The following DERA variants were observed in gnomAD, a reference collection of about 807,000 sequenced individuals.
The protein encoded by DERA is 2-deoxy-D-ribose 5-phosphate aldolase.
DERA carries 15 observed loss-of-function variants against 41.1 expected under a neutral mutation model. The ratio of observed to expected loss-of-function variants is 0.37; its 90% confidence interval spans 0.24 to 0.56. DERA has a LOEUF of 0.56. DERA is among the 20% of genes least tolerant of loss of function. The pLI is 0.81. For missense variants in DERA, 396 were observed against 403.4 expected, an observed-to-expected ratio of 0.98 and a Z score of 0.16; for synonymous variants, 139 against 137.4, an observed-to-expected ratio of 1.01 and a Z score of -0.08.
intron 6 of DERA, among the ~76,000 whole-genome samples, chr12:16,016,104 G>C (rs1592051668): frequency 6.6e-6 from 1 of 152,184 alleles, no homozygotes; most frequent in South Asian, 2.1e-4. Context: ...ATGACTTTGT[G>C]GAATCATAGT....
At position 15,982,486 on chromosome 12, in the gene DERA, G is replaced by T. The variant is rs766626037; in HGVS notation, c.637+50G>T. On this transcript the variant is annotated intron_variant, in intron 6 of 8. Coordinates refer to ENST00000428559, the MANE Select transcript of DERA (RefSeq NM_015954.4). The surrounding 1 kb of genome is among the most constrained non-coding windows in gnomAD (Gnocchi z 4.0). ...GTTTTCTATTGAATTGATGTTTTTA[G>T]GAGAAATTAAGTAAGTGAAAGCATT... 5 of 1,521,048 alleles carry T rather than the reference G, an allele frequency of 3.3e-6. No homozygotes were observed. Among genetic ancestry groups the T allele is most frequent in the South Asian group, 1.3e-5 (1 of 74,640 alleles). The allele number at this position is 1,521,048 out of a possible 1,614,324, so 94.2% of individuals were successfully genotyped here. A position where few individuals can be genotyped will look rare whatever the true frequency, so the allele number is the denominator to read the frequency against.
At chr12:15,960,418 A>G (rs1277960331) in intron 4 of DERA, among the ~76,000 whole-genome samples, 4 of 151,480 alleles carry the variant, frequency 2.6e-5, no homozygotes, top group Admixed American at 1.3e-4. Context: ...CAGGTGGATC[A>G]CTTGAGGTCA....
chr12:15,991,971 G>T (rs1268203785), intron 6 of DERA, among the ~76,000 whole-genome samples: 1 of 151,982 alleles, frequency 6.6e-6, no homozygotes, highest in Non-Finnish European at 1.5e-5. Context: ...ATTATGCAAA[G>T]GCAGAATTAA....
At chr12:15,950,266 T>C (rs1948487573) in intron 1 of DERA, among the ~76,000 whole-genome samples, 1 of 152,240 alleles carries the variant, frequency 6.6e-6, no homozygotes, top group Admixed American at 6.5e-5. Context: ...TATTTCCTGA[T>C]TATATGCTAA....
intron 5 of DERA, among the ~76,000 whole-genome samples, chr12:15,979,308 C>T (rs969465605): frequency 4.6e-5 from 7 of 152,234 alleles, no homozygotes; most frequent in African/African-American, 1.7e-4. Context: ...GGTGCTGCTC[C>T]TACTGGCCAG....
chr12:15,993,646 G>GTAAATAAATGTACAATTATTTACATAAT lies in DERA; in HGVS notation c.637+11211_637+11212insAAATAAATGTACAATTATTTACATAATT, dbSNP rs1260111586. Reference sequence around the variant, plus strand: ...GATTTAAAGTGTACATTTATTTACAGTTCCTTAAACTAGCCCTGGAAATTA... The same window carrying GTAAATAAATGTACAATTATTTACATAAT: ...GATTTAAAGTGTACATTTATTTACAGTAAATAAATGTACAATTATTTACATAATTTCCTTAAACTAGCCCTGGAAATTA... On this transcript the variant is annotated intron_variant, in intron 6 of 8. Coordinates refer to ENST00000428559, the MANE Select transcript of DERA (RefSeq NM_015954.4). This position sits in a 1 kb window ranked among gnomAD's most constrained non-coding sequence, Gnocchi z 4.4. 6.6e-6 allele frequency among the ~76,000 whole-genome samples: 1 copy of GTAAATAAATGTACAATTATTTACATAAT among 152,142 alleles called. No individual in the cohort carries two copies. The highest frequency in any genetic ancestry group is 6.5e-5 in the Admixed American group (1 of 15,280).
intron 1 of DERA, among the ~76,000 whole-genome samples, chr12:15,923,132 C>A (rs1357074517): frequency 6.8e-6 from 1 of 147,728 alleles, no homozygotes; most frequent in Non-Finnish European, 1.5e-5. Context: ...ACGCCATTCT[C>A]CTGCCTCAGC....
chr12:16,006,686 C>T (rs968512702), intron 6 of DERA, among the ~76,000 whole-genome samples: 2 of 152,254 alleles, frequency 1.3e-5, no homozygotes, highest in South Asian at 4.1e-4. Context: ...GTCTGCCTAT[C>T]TCTCAGAATG....
chr12:16,000,381 G>A lies in DERA; in HGVS notation c.637+17945G>A, dbSNP rs929558990. On this transcript the variant is annotated intron_variant, in intron 6 of 8. Coordinates refer to ENST00000428559, the MANE Select transcript of DERA (RefSeq NM_015954.4). The surrounding 1 kb of genome is among the most constrained non-coding windows in gnomAD (Gnocchi z 4.8). ...AAGGTGAAAGAAAGGCTATTTTTTG[G>A]TTTAGAAAACATTAGCAAGATAACA... Among the ~76,000 whole-genome samples the A allele has an allele frequency of 2.0e-5, 3 of 152,104 alleles. No individual in the cohort carries two copies. Among genetic ancestry groups the A allele is most frequent in the East Asian group, 1.9e-4 (1 of 5,190 alleles).
intron 6 of DERA, among the ~76,000 whole-genome samples, chr12:15,991,442 T>A (rs1349419891): frequency 6.6e-6 from 1 of 152,076 alleles, no homozygotes; most frequent in Non-Finnish European, 1.5e-5. Context: ...TTTTTAGCCA[T>A]GTTTATGTAA....
chr12:15,964,009 A>T (rs1948606432), intron 5 of DERA, among the ~76,000 whole-genome samples: 1 of 152,204 alleles, frequency 6.6e-6, no homozygotes, highest in Admixed American at 6.5e-5. Context: ...TCTTATATAA[A>T]GTCCAGGGGT....
rs138660163 is a variant in DERA, at chr12:15,990,382, G to C, written c.637+7946G>C. The stretch of plus-strand genomic sequence containing the variant: ...TTAATTGAGAATCACAATTAGATGT[G>C]GTCTAGTTAATGATATGTTTGTGGT... On this transcript the variant is annotated intron_variant, in intron 6 of 8. Coordinates refer to ENST00000428559, the MANE Select transcript of DERA (RefSeq NM_015954.4). This position sits in a 1 kb window ranked among gnomAD's most constrained non-coding sequence, Gnocchi z 4.3. Among the ~76,000 whole-genome samples the C allele has an allele frequency of 3.9e-5, 6 of 152,206 alleles. No homozygotes were observed. The highest frequency in any genetic ancestry group is 1.4e-4 in the African/African-American group (6 of 41,538).
At position 16,026,634 on chromosome 12, in the gene DERA, T is replaced by C. The variant is rs1442524687; in HGVS notation, c.638-5908T>C. ...TATAACATATTTTAATTATATAAAA[T>C]TATTTATTTAAAAATTTAACAAATT... On this transcript the variant is annotated intron_variant, in intron 6 of 8. Transcript: ENST00000428559. The surrounding 1 kb of genome is among the most constrained non-coding windows in gnomAD (Gnocchi z 4.4). Among the ~76,000 whole-genome samples the C allele has an allele frequency of 1.3e-5, 2 of 150,650 alleles. No individual in the cohort carries two copies. The highest frequency in any genetic ancestry group is 3.9e-4 in the East Asian group (2 of 5,174).
In DERA at chr12:16,004,232, A is replaced by G. The variant is rs1948894586; in HGVS notation, c.637+21796A>G. Among the ~76,000 whole-genome samples, 1 of 152,270 alleles carries G rather than the reference A, an allele frequency of 6.6e-6. No homozygotes were observed. Among genetic ancestry groups the G allele is most frequent in the African/African-American group, 2.4e-5 (1 of 41,472 alleles). On this transcript the variant is annotated intron_variant, in intron 6 of 8. Transcript: ENST00000428559. The surrounding 1 kb of genome is among the most constrained non-coding windows in gnomAD (Gnocchi z 4.2). ...AGTCAAATAGCAATTTCATATATGCAGATAATTTGAATCTGAATGTACAGC... is the reference window on the plus strand; with the variant it reads ...AGTCAAATAGCAATTTCATATATGCGGATAATTTGAATCTGAATGTACAGC...
intron 6 of DERA, among the ~76,000 whole-genome samples, chr12:16,031,232 A>G (rs1201247382): frequency 6.6e-6 from 1 of 152,210 alleles, no homozygotes; most frequent in Non-Finnish European, 1.5e-5. Flanking sequence ...TTTACGTTTC[A>G]TCTCCACCCG....
chr12:15,948,527 G>A (rs907557948), intron 1 of DERA, among the ~76,000 whole-genome samples: 4 of 152,092 alleles, frequency 2.6e-5, no homozygotes, highest in African/African-American at 7.2e-5. Flanking sequence ...TGTAGCTCTC[G>A]TGCCATGGTT....
At position 15,941,311 on chromosome 12, in the gene DERA, A is replaced by G. The variant is rs1481479302; in HGVS notation, c.32-15625A>G. Among the ~76,000 whole-genome samples the G allele has an allele frequency of 6.6e-6, 1 of 152,166 alleles. No individual in the cohort carries two copies. Among genetic ancestry groups the G allele is most frequent in the Non-Finnish European group, 1.5e-5 (1 of 68,030 alleles). ...AGCAAATGGGTATAACAGAGACACA[A>G]CAGTGTTGAATACTTCTCCTACTGC... On this transcript the variant is annotated intron_variant, in intron 1 of 8. Coordinates refer to ENST00000428559, the MANE Select transcript of DERA (RefSeq NM_015954.4). The surrounding 1 kb of genome is among the most constrained non-coding windows in gnomAD (Gnocchi z 4.5).
intron 5 of DERA, among the ~76,000 whole-genome samples, chr12:15,974,695 C>T (rs1224722312): frequency 2.0e-5 from 3 of 152,134 alleles, no homozygotes; most frequent in East Asian, 1.9e-4. Flanking sequence ...TATTTTGAGA[C>T]TATGTTAATA....
In DERA at chr12:16,036,788, A is replaced by T; in HGVS notation, c.*42A>T. 6.9e-7 allele frequency: 1 copy of T among 1,439,118 alleles called. No homozygotes were observed. 89.1% of individuals were successfully genotyped at this position (1,439,118 alleles called of 1,614,324 possible). A position where few individuals can be genotyped will look rare whatever the true frequency, so the allele number is the denominator to read the frequency against. On this transcript the variant is annotated 3_prime_UTR_variant, in exon 9 of 9. Transcript: ENST00000428559. The surrounding 1 kb of genome is among the most constrained non-coding windows in gnomAD (Gnocchi z 4.9). ...AGAAAAGTTCTTTACGACAATGTTT[A>T]AAAATTATTTTTCTACGTAATTGCT...
Sources: gnomAD v4.1 joint callset for allele counts (sites outside exome capture counted in the v4.1 genomes callset) on GRCh38, gnomAD v4.1.1 for gene constraint, Gnocchi (gnomAD v3.1) non-coding constraint, MANE v1.5 for transcripts, NCBI Gene and HGNC (gene_info 2026-07-23, HGNC 2026-07-21) for gene names.